CDH13: variants seen among roughly 807,000 people sequenced by gnomAD.
CDH13 encodes the protein cadherin 13, also known as cadherin-13.
A neutral mutation model predicts 63.8 loss-of-function variants in CDH13; 24 were observed. The observed-to-expected ratio is 0.38, with a 90% CI of 0.27 to 0.53. CDH13 has a LOEUF of 0.53. Ranked by LOEUF, CDH13 falls within the 20% of genes least tolerant of loss-of-function variation. The pLI, the probability that CDH13 is intolerant of heterozygous loss-of-function variation, is 0.85. For synonymous variants in CDH13, 503 were observed against 355.3 expected (o/e 1.42, Z -4.67); for missense variants, 1,049 against 903.1 (o/e 1.16, Z -2.07).
chr16:83,345,270 G>A (rs375888233), intron 6 of CDH13, among the ~76,000 whole-genome samples: 1 of 152,202 alleles, frequency 6.6e-6, no homozygotes, highest in African/African-American at 2.4e-5. Context: ...AGGCATGGCC[G>A]ATGTTGGGCA....
At chr16:83,628,683 G>A (rs1910532781) in intron 8 of CDH13, among the ~76,000 whole-genome samples, 2 of 152,126 alleles carry the variant, frequency 1.3e-5, no homozygotes, top group Non-Finnish European at 2.9e-5. Context: ...TATTTCAATA[G>A]GAGGCGAAGA....
At chr16:83,027,955 C>T (rs560576500) in intron 2 of CDH13, among the ~76,000 whole-genome samples, 2 of 152,278 alleles carry the variant, frequency 1.3e-5, no homozygotes, top group African/African-American at 4.8e-5. Flanking sequence ...ACATTATAAC[C>T]TCAGCATCTA....
intron 1 of CDH13, among the ~76,000 whole-genome samples, chr16:82,809,199 C>T (rs1482339310): frequency 2.0e-5 from 3 of 152,018 alleles, no homozygotes; most frequent in Admixed American, 6.6e-5. Context: ...ATACTGTCAC[C>T]AGTGTTTCGT....
intron 1 of CDH13, among the ~76,000 whole-genome samples, chr16:82,662,367 A>G (rs778021147): frequency 6.6e-6 from 1 of 152,218 alleles, no homozygotes; most frequent in Non-Finnish European, 1.5e-5. Context: ...TCACATGTGT[A>G]TTGTCTGAAC....
chr16:82,747,318 G>A (rs529526181), intron 1 of CDH13, among the ~76,000 whole-genome samples: 18 of 152,290 alleles, frequency 1.2e-4, no homozygotes, highest in East Asian at 5.8e-4. Context: ...GAGTATGCAC[G>A]TTAAAGTTTG....
intron 7 of CDH13, among the ~76,000 whole-genome samples, chr16:83,527,173 G>A (rs2074982211): frequency 6.6e-6 from 1 of 151,988 alleles, no homozygotes; most frequent in African/African-American, 2.4e-5. Flanking sequence ...TTTAAGGCTG[G>A]GCGTGCTGGC....
chr16:83,279,321 A>C (rs2089090226), intron 5 of CDH13, among the ~76,000 whole-genome samples: 1 of 152,188 alleles, frequency 6.6e-6, no homozygotes, highest in Non-Finnish European at 1.5e-5. Flanking sequence ...AGAGATTTAC[A>C]TGCCTCCATT....
At chr16:83,281,345 G>T (rs139706338) in intron 5 of CDH13, among the ~76,000 whole-genome samples, 13 of 152,270 alleles carry the variant, frequency 8.5e-5, no homozygotes, top group Non-Finnish European at 1.8e-4. Flanking sequence ...ACCTCTCTCA[G>T]CCTTTATAGC....
intron 3 of CDH13, among the ~76,000 whole-genome samples, chr16:83,113,412 A>G (rs982090750): frequency 6.6e-6 from 1 of 152,046 alleles, no homozygotes; most frequent in African/African-American, 2.4e-5. Flanking sequence ...ATAACTCTAT[A>G]TTTATTTCAT....
chr16:82,647,645 G>A (rs577200190), intron 1 of CDH13, among the ~76,000 whole-genome samples: 5 of 152,274 alleles, frequency 3.3e-5, no homozygotes, highest in African/African-American at 1.2e-4. Context: ...TTGATTCAAA[G>A]CTGCCCCAGG....
chr16:82,696,054 C>G (rs1166864294), intron 1 of CDH13, among the ~76,000 whole-genome samples: 1 of 152,150 alleles, frequency 6.6e-6, no homozygotes, highest in East Asian at 1.9e-4. Flanking sequence ...CGGGTGACAT[C>G]TACTTTCTGT....
At chr16:83,570,296 T>C (rs961086586) in intron 7 of CDH13, among the ~76,000 whole-genome samples, 1 of 152,128 alleles carries the variant, frequency 6.6e-6, no homozygotes, top group Non-Finnish European at 1.5e-5. Flanking sequence ...AAAAGAGCCA[T>C]ATGGGGTCTT....
At chr16:83,336,081 A>G (rs2090588531) in intron 5 of CDH13, among the ~76,000 whole-genome samples, 1 of 151,990 alleles carries the variant, frequency 6.6e-6, no homozygotes, top group Admixed American at 6.6e-5. Context: ...TGGGTGGATC[A>G]CCTGAGGTCA....
chr16:83,739,849 C>T (rs1026896713), intron 10 of CDH13: 7 of 152,186 alleles, frequency 4.6e-5, no homozygotes, highest in African/African-American at 1.7e-4. Flanking sequence ...TGTGTGCGGG[C>T]CACTCTTCTA....
At chr16:83,148,187 C>G (rs963434420) in intron 4 of CDH13, among the ~76,000 whole-genome samples, 1 of 152,226 alleles carries the variant, frequency 6.6e-6, no homozygotes, top group African/African-American at 2.4e-5. Context: ...ATCCACCCGC[C>G]TCAGCTTCCC....
intron 5 of CDH13, among the ~76,000 whole-genome samples, chr16:83,327,470 C>T (rs926758733): frequency 6.6e-6 from 1 of 152,148 alleles, no homozygotes; most frequent in Non-Finnish European, 1.5e-5. Flanking sequence ...AACTCAAAGC[C>T]CTTAGCTAAT....
chr16:82,660,835 G>C (rs890656256), intron 1 of CDH13, among the ~76,000 whole-genome samples: 3 of 151,862 alleles, frequency 2.0e-5, no homozygotes, highest in African/African-American at 4.8e-5. Context: ...ATTTTGTTCC[G>C]GCAATACAAG....
intron 6 of CDH13, among the ~76,000 whole-genome samples, chr16:83,359,344 T>G (rs555279557): frequency 1.7e-3 from 264 of 152,172 alleles, no homozygotes; most frequent in Non-Finnish European, 3.1e-3. Flanking sequence ...GAAGGTTCTG[T>G]GAGCAAGTAG....
chr16:82,682,463 C>T (rs1220558484), intron 1 of CDH13, among the ~76,000 whole-genome samples: 2 of 152,164 alleles, frequency 1.3e-5, no homozygotes, highest in African/African-American at 4.8e-5. Context: ...AAATGTGGTC[C>T]CTCAAGTTCT....
Sources: gnomAD v4.1 joint callset for allele counts (sites outside exome capture counted in the v4.1 genomes callset) on GRCh38, gnomAD v4.1.1 for gene constraint, MANE v1.5 for transcripts, NCBI Gene and HGNC (gene_info 2026-07-23, HGNC 2026-07-21) for gene names.